Variants in L3MBTL4 observed in about 807,000 individuals in gnomAD.
L3MBTL4 encodes the protein lethal(3)malignant brain tumor-like protein 4.
A neutral mutation model predicts 84.5 loss-of-function variants in L3MBTL4; 70 were observed. The observed-to-expected ratio is 0.83, with a 90% CI of 0.68 to 1.01. The LOEUF is 1.01. Ranked by LOEUF, L3MBTL4 falls within the 50% of genes least tolerant of loss-of-function variation. L3MBTL4 has a pLI of 0.00. For missense variants in L3MBTL4, 715 were observed against 754.8 expected, an observed-to-expected ratio of 0.95 and a Z score of 0.62; for synonymous variants, 274 against 259.8, an observed-to-expected ratio of 1.05 and a Z score of -0.52.
intron 1 of L3MBTL4, among the ~76,000 whole-genome samples, chr18:6,387,344 C>T (rs914506835): frequency 6.6e-6 from 1 of 152,174 alleles, no homozygotes; most frequent in African/African-American, 2.4e-5. Context: ...AGCCACACTA[C>T]AATCTTACCA....
intron 16 of L3MBTL4, among the ~76,000 whole-genome samples, chr18:6,050,030 G>A (rs1279375299): frequency 1.3e-5 from 2 of 152,106 alleles, no homozygotes; most frequent in Non-Finnish European, 2.9e-5. Context: ...GCAAAACATA[G>A]GTGAGAGTTC....
rs2060142439 is a variant in L3MBTL4 at position 6,139,888 on chromosome 18, T to G, written c.1097-1592A>C. Among the ~76,000 whole-genome samples, 4 of 152,110 alleles carry G rather than the reference T, an allele frequency of 2.6e-5. No homozygotes were observed. The South Asian group carries it at 8.3e-4, about 32-fold the overall frequency. On this transcript the variant is annotated intron_variant, in intron 13 of 18. Transcript: ENST00000317931. ...GGGCTTCCACTATCTGCCCACTGTT[T>G]CCACATCACTCAGGGAAGACTTTGG...
intron 13 of L3MBTL4, among the ~76,000 whole-genome samples, chr18:6,170,496 G>A (rs1412257241): frequency 1.3e-5 from 2 of 152,116 alleles, no homozygotes; most frequent in Non-Finnish European, 2.9e-5. Context: ...GGAAGCAAAC[G>A]GTAGAAAGAG....
At chr18:6,332,362 C>T (rs146103502) in intron 1 of L3MBTL4, among the ~76,000 whole-genome samples, 5 of 152,142 alleles carry the variant, frequency 3.3e-5, no homozygotes, top group African/African-American at 9.7e-5. Context: ...AAGAACCTAT[C>T]GGTTTAGCCA....
intron 16 of L3MBTL4, among the ~76,000 whole-genome samples, chr18:5,974,168 T>G (rs2052784933): frequency 6.6e-6 from 1 of 152,188 alleles, no homozygotes. Flanking sequence ...TGGGTGTTTC[T>G]TTTGGATTTT....
At chr18:6,216,117 C>A (rs1455531322) in intron 10 of L3MBTL4, among the ~76,000 whole-genome samples, 3 of 152,178 alleles carry the variant, frequency 2.0e-5, no homozygotes, top group African/African-American at 7.2e-5. Context: ...TTCACAGAGC[C>A]AGGTGAGACC....
At chr18:6,113,898 A>T (rs374230670) in intron 14 of L3MBTL4, among the ~76,000 whole-genome samples, 6 of 152,342 alleles carry the variant, frequency 3.9e-5, no homozygotes, top group Admixed American at 1.3e-4. Flanking sequence ...TCTGGAATAC[A>T]ATGTCATCAC....
intron 1 of L3MBTL4, among the ~76,000 whole-genome samples, chr18:6,386,128 C>T (rs1454231225): frequency 6.6e-6 from 1 of 152,174 alleles, no homozygotes; most frequent in African/African-American, 2.4e-5. Flanking sequence ...GCACACCAAG[C>T]ACACAGGGGA....
At chr18:6,358,672 G>C (rs534406766) in intron 1 of L3MBTL4, among the ~76,000 whole-genome samples, 1 of 152,184 alleles carries the variant, frequency 6.6e-6, no homozygotes, top group African/African-American at 2.4e-5. Context: ...GATCTAACCA[G>C]CACAAGTTTC....
At chr18:6,338,348 G>A (rs965127432) in intron 1 of L3MBTL4, among the ~76,000 whole-genome samples, 1 of 151,902 alleles carries the variant, frequency 6.6e-6, no homozygotes, top group Non-Finnish European at 1.5e-5. Flanking sequence ...TAAACATGTG[G>A]GTAAACATAA....
Position 6,301,933 on chromosome 18 carries a change from G to A in L3MBTL4, c.97C>T (p.Pro33Ser). The change falls in exon 4 of 19, where the codon CCC (proline) becomes TCC (serine). Residue 33 changes from proline (P) to serine (S), a missense_variant. Coordinates refer to ENST00000317931, the MANE Select transcript of L3MBTL4 (RefSeq NM_001330559.2). Reference sequence around the variant, plus strand: ...CTCAAAGGGGTTGTGCTATCCTTGGGCTTCTTTTCCTCTTCAGCTTGCTCC... The same window carrying A: ...CTCAAAGGGGTTGTGCTATCCTTGGACTTCTTTTCCTCTTCAGCTTGCTCC... ...RLEQAEEEKK[P>S]KDSTTPLSHV... 6.2e-7 allele frequency: 1 copy of A among 1,613,258 alleles called. No individual in the cohort carries two copies. Among genetic ancestry groups the A allele is most frequent in the Non-Finnish European group, 8.5e-7 (1 of 1,179,216 alleles).
intron 4 of L3MBTL4, among the ~76,000 whole-genome samples, chr18:6,300,677 T>C (rs367887872): frequency 7.2e-5 from 11 of 152,204 alleles, no homozygotes; most frequent in African/African-American, 2.4e-4. Flanking sequence ...CTAGAGTAAA[T>C]GTTTCGACCA....
chr18:6,224,429 C>A (rs931315384), intron 10 of L3MBTL4, among the ~76,000 whole-genome samples: 5 of 152,124 alleles, frequency 3.3e-5, no homozygotes, highest in Non-Finnish European at 5.9e-5. Context: ...TCTGGTAGAC[C>A]CCACGAAGTC....
At chr18:6,133,380 G>A (rs2144565401) in intron 14 of L3MBTL4, among the ~76,000 whole-genome samples, 1 of 150,778 alleles carries the variant, frequency 6.6e-6, no homozygotes, top group African/African-American at 2.5e-5. Context: ...ACAAACAGAA[G>A]GCCTGAGGAA....
intron 14 of L3MBTL4, among the ~76,000 whole-genome samples, chr18:6,119,402 T>A (rs1880202786): frequency 6.6e-6 from 1 of 152,216 alleles, no homozygotes; most frequent in Non-Finnish European, 1.5e-5. Flanking sequence ...AACATCAGTT[T>A]GCTGCTTAAC....
intron 10 of L3MBTL4, among the ~76,000 whole-genome samples, chr18:6,228,306 A>G (rs2046858328): frequency 6.6e-6 from 1 of 152,200 alleles, no homozygotes; most frequent in Non-Finnish European, 1.5e-5. Flanking sequence ...AAACTTCACT[A>G]GAATAAAAGA....
At chr18:5,979,089 A>G (rs2053092287) in intron 16 of L3MBTL4, among the ~76,000 whole-genome samples, 1 of 152,118 alleles carries the variant, frequency 6.6e-6, no homozygotes, top group Non-Finnish European at 1.5e-5. Context: ...AACTCTTGGG[A>G]AGGGGCAAAA....
chr18:6,157,602 T>C (rs1300613146), intron 13 of L3MBTL4, among the ~76,000 whole-genome samples: 1 of 152,182 alleles, frequency 6.6e-6, no homozygotes, highest in Non-Finnish European at 1.5e-5. Context: ...TGCAGTATAT[T>C]AAATGAAATT....
intron 1 of L3MBTL4, among the ~76,000 whole-genome samples, chr18:6,330,545 T>G (rs528005027): frequency 2.0e-4 from 31 of 152,334 alleles, no homozygotes; most frequent in African/African-American, 7.0e-4. Context: ...ACTATGCAAT[T>G]ACATGGGTCC....
Sources: allele counts gnomAD v4.1 joint callset (sites outside exome capture counted in the v4.1 genomes callset), GRCh38; gene constraint gnomAD v4.1.1; transcripts MANE v1.5; gene names NCBI Gene and HGNC (gene_info 2026-07-23, HGNC 2026-07-21).